Variants in METTL6 observed in about 807,000 individuals in gnomAD.
METTL6 encodes methyltransferase 6, tRNA N3-cytidine.
A neutral mutation model predicts 26.4 loss-of-function variants in METTL6; 22 were observed. That is an observed-to-expected ratio of 0.83 (90% confidence interval 0.59 to 1.19). The LOEUF is 1.19. Ranked by LOEUF, METTL6 falls within the 50% of genes most tolerant of loss-of-function variation. The pLI is 0.00. For missense variants in METTL6, 304 were observed against 324.8 expected (o/e 0.94, Z 0.49); for synonymous variants, 109 against 116.2 (o/e 0.94, Z 0.40).
intron 6 of METTL6, among the ~76,000 whole-genome samples, chr3:15,387,437 C>G (rs151324814): frequency 6.6e-6 from 1 of 152,366 alleles, no homozygotes; most frequent in African/African-American, 2.4e-5. Context: ...GAATGCCTAA[C>G]TGCCTGGGAA....
At chr3:15,415,465 T>C in intron 4 of METTL6, 1 of 1,557,636 alleles carries the variant, frequency 6.4e-7, no homozygotes, top group Non-Finnish European at 8.7e-7. Context: ...CCAAACTGTG[T>C]ACTCTTGACC....
At chr3:15,383,936 TAAG>T (rs1453760191) in exon 7 of METTL6, 5 of 223,284 alleles carry the variant, frequency 2.2e-5, no homozygotes, top group East Asian at 1.7e-4. Context: ...TGGAAGTCAG[TAAG>T]AAGAAGTTAG....
At chr3:15,397,285 G>C (rs554794394) in intron 6 of METTL6, among the ~76,000 whole-genome samples, 1 of 152,246 alleles carries the variant, frequency 6.6e-6, no homozygotes, top group Admixed American at 6.5e-5. Context: ...CTCCGAGCCA[G>C]GCACGGGATA....
downstream of METTL6, among the ~76,000 whole-genome samples, chr3:15,405,675 CCTT>C (rs1575407703): frequency 1.3e-5 from 2 of 152,186 alleles, no homozygotes; most frequent in Admixed American, 6.5e-5. Flanking sequence ...CAAGATTAAA[CCTT>C]CTTGAAAAAG....
chr3:15,425,868 G>A (rs571879491), intron 2 of METTL6, among the ~76,000 whole-genome samples: 267 of 152,274 alleles, frequency 1.8e-3, no homozygotes, highest in Non-Finnish European at 3.1e-3. Context: ...CTCCTAAAAC[G>A]CAAAGCATTT....
intron 6 of METTL6, among the ~76,000 whole-genome samples, chr3:15,389,543 TTTTTAA>T (rs1431491675): frequency 6.6e-6 from 1 of 152,172 alleles, no homozygotes; most frequent in Non-Finnish European, 1.5e-5. Flanking sequence ...CAGAATTTAT[TTTTTAA>T]TTTTAATTTT....
intron 4 of METTL6, 178 bp from the exon 5 acceptor site, chr3:15,414,340 A>G: frequency 1.4e-6 from 2 of 1,397,792 alleles, no homozygotes; most frequent in Non-Finnish European, 1.8e-6. Flanking sequence ...GCAGGGCTCC[A>G]TAACACTAAG....
exon 7 of METTL6, chr3:15,382,090 G>GC (rs1197031677): frequency 6.7e-6 from 1 of 148,236 alleles, no homozygotes; most frequent in Non-Finnish European, 1.5e-5. Context: ...TCACTCTGCT[G>GC]CCCAGGCTGG....
chr3:15,385,867 C>T (rs1369027336), intron 6 of METTL6, among the ~76,000 whole-genome samples: 1 of 152,038 alleles, frequency 6.6e-6, no homozygotes, highest in African/African-American at 2.4e-5. Flanking sequence ...GTAGGTGAAC[C>T]AATAAAAAAG....
At chr3:15,415,571 A>G (rs746104786) in intron 4 of METTL6, 31 of 1,603,722 alleles carry the variant, frequency 1.9e-5, no homozygotes, top group Admixed American at 3.4e-5. Context: ...AGCTCTGAAG[A>G]GCAGCCATGG....
rs1398380077 is a variant in METTL6 at position 15,427,502 on chromosome 3, G to A, written c.-225C>T. On this transcript the variant is annotated 5_prime_UTR_variant, in exon 1 of 6. Transcript: ENST00000383790. ...GACCACGAATTCGGATTATCCGGGA[G>A]TTCTTTTGCCATGGCACCGCCCCCG... 7 of 503,644 alleles carry A rather than the reference G, an allele frequency of 1.4e-5. No individual in the cohort carries two copies. Among genetic ancestry groups the A allele is most frequent in the African/African-American group, 1.0e-4 (5 of 50,244 alleles). 31.2% of individuals were successfully genotyped at this position (503,644 alleles called of 1,614,324 possible).
chr3:15,414,503 C>A, intron 4 of METTL6: 1 of 322,926 alleles, frequency 3.1e-6, no homozygotes, highest in Non-Finnish European at 5.1e-6. Flanking sequence ...TTATAGGTGC[C>A]CGCCACCATG....
chr3:15,412,042 C>A (rs547340970), intron 5 of METTL6, among the ~76,000 whole-genome samples: 2 of 152,114 alleles, frequency 1.3e-5, no homozygotes, highest in African/African-American at 4.8e-5. Flanking sequence ...TGAGATAACA[C>A]GCATGAGCCA....
downstream of METTL6, among the ~76,000 whole-genome samples, chr3:15,408,955 G>A (rs973515873): frequency 6.6e-6 from 1 of 152,086 alleles, no homozygotes; most frequent in Admixed American, 6.6e-5. Flanking sequence ...TGGCGGAGGG[G>A]GCTTTGGGAG....
intron 3 of METTL6, among the ~76,000 whole-genome samples, chr3:15,421,365 C>CA (rs1354907696): frequency 6.6e-6 from 1 of 152,208 alleles, no homozygotes; most frequent in Non-Finnish European, 1.5e-5. Flanking sequence ...AAGGACAAGT[C>CA]AAACTGTAAA....
chr3:15,397,343 G>T (rs890169594), intron 6 of METTL6, among the ~76,000 whole-genome samples: 2 of 152,222 alleles, frequency 1.3e-5, no homozygotes, highest in African/African-American at 4.8e-5. Flanking sequence ...AAGCGCAGTA[G>T]TAGGGTGGGA....
Position 15,425,103 on chromosome 3 carries a change from G to T in METTL6, c.226-14C>A. 1 of 1,613,314 alleles carries T rather than the reference G, an allele frequency of 6.2e-7. No homozygotes were observed. On this transcript the variant is annotated splice_polypyrimidine_tract_variant and intron_variant, in intron 2 of 5. Transcript: ENST00000383790. ...TTGATCTTCAAACTGGGGAAAGACA[G>T]CTCAAAGTTATAGTATATCACATTT...
At chr3:15,396,958 T>C (rs531420973) in intron 6 of METTL6, among the ~76,000 whole-genome samples, 22 of 152,288 alleles carry the variant, frequency 1.4e-4, no homozygotes, top group Middle Eastern at 6.8e-3. Flanking sequence ...AGGCAGTCTG[T>C]CCGTTCTCAG....
intron 6 of METTL6, among the ~76,000 whole-genome samples, chr3:15,393,377 G>A (rs1301653012): frequency 3.9e-5 from 6 of 152,080 alleles, no homozygotes; most frequent in Non-Finnish European, 2.9e-5. Context: ...AGTTGCTTAT[G>A]AGCTTAAGGA....
Sources: allele counts gnomAD v4.1 joint callset (sites outside exome capture counted in the v4.1 genomes callset), GRCh38; gene constraint gnomAD v4.1.1; transcripts MANE v1.5; gene names NCBI Gene and HGNC (gene_info 2026-07-23, HGNC 2026-07-21).